SUGCT: variants seen among roughly 807,000 people sequenced by gnomAD.
SUGCT encodes succinyl-CoA:glutarate CoA-transferase.
A neutral mutation model predicts 55.0 loss-of-function variants in SUGCT; 41 were observed. The observed-to-expected ratio is 0.74, with a 90% CI of 0.58 to 0.97. SUGCT has a LOEUF of 0.97. SUGCT is among the 50% of genes least tolerant of loss of function. The pLI is 0.00. For missense variants in SUGCT, 568 were observed against 547.8 expected (o/e 1.04, Z -0.37); for synonymous variants, 187 against 200.4 (o/e 0.93, Z 0.56).
At chr7:40,916,351 T>C in the SUGCT span, among the ~76,000 whole-genome samples, 1 of 152,130 alleles carries the variant, frequency 6.6e-6, no homozygotes, top group Non-Finnish European at 1.5e-5. Context: ...GATTGAAGGA[T>C]GGGTATGAAT....
chr7:40,655,145 T>C (rs1203088353), intron 12 of SUGCT, among the ~76,000 whole-genome samples: 1 of 151,936 alleles, frequency 6.6e-6, no homozygotes, highest in Non-Finnish European at 1.5e-5. Context: ...AATCAAAAAA[T>C]TAGCTGAGTG....
intron 1 of SUGCT, among the ~76,000 whole-genome samples, chr7:40,169,386 G>A (rs1335902797): frequency 6.6e-6 from 1 of 152,146 alleles, no homozygotes; most frequent in Non-Finnish European, 1.5e-5. Flanking sequence ...ATGTGCCAGT[G>A]TCCAGGAGAC....
chr7:40,347,969 C>T (rs1797412534), intron 9 of SUGCT, among the ~76,000 whole-genome samples: 1 of 152,170 alleles, frequency 6.6e-6, no homozygotes, highest in Non-Finnish European at 1.5e-5. Context: ...TTCCCTCCTC[C>T]ATTTTATAAG....
chr7:40,735,363 G>A (rs968530839), intron 12 of SUGCT, among the ~76,000 whole-genome samples: 2 of 152,030 alleles, frequency 1.3e-5, no homozygotes, highest in Non-Finnish European at 2.9e-5. Context: ...CTTAGTCTTG[G>A]GAAAGGTTGG....
rs554961731 is a variant in SUGCT, at chr7:40,637,437, G to A, written c.1090-111997G>A. 8.9e-4 allele frequency among the ~76,000 whole-genome samples: 135 copies of A among 152,360 alleles called. 1 individual carries two copies. The highest frequency in any genetic ancestry group is 1.5e-3 in the Non-Finnish European group (103 of 68,032). On this transcript the variant is annotated intron_variant, in intron 12 of 13. Coordinates refer to ENST00000335693, the MANE Select transcript of SUGCT (RefSeq NM_001193313.2). The stretch of plus-strand genomic sequence containing the variant: ...GGCATAGGAACCAGGATCTCTAAAG[G>A]AAGAAAGAAGTGTTTGATAGGAAAC...
downstream of SUGCT, among the ~76,000 whole-genome samples, chr7:40,862,548 T>C (rs765722434): frequency 1.6e-4 from 24 of 152,206 alleles, no homozygotes; most frequent in Non-Finnish European, 2.8e-4. Context: ...GGGCCTATTA[T>C]CTTACACATT....
intron 9 of SUGCT, among the ~76,000 whole-genome samples, chr7:40,377,656 G>A (rs1158186082): frequency 3.3e-5 from 5 of 152,082 alleles, no homozygotes; most frequent in Admixed American, 1.3e-4. Context: ...CATTTTGGTT[G>A]TCTTTTATAT....
intron 12 of SUGCT, among the ~76,000 whole-genome samples, chr7:40,532,703 T>C (rs1315353042): frequency 6.6e-6 from 1 of 152,136 alleles, no homozygotes; most frequent in Non-Finnish European, 1.5e-5. Context: ...GTTTTTCGTT[T>C]GTTTTGTTTT....
intron 1 of SUGCT, among the ~76,000 whole-genome samples, chr7:40,164,383 C>T (rs1321849710): frequency 6.6e-6 from 1 of 152,188 alleles, no homozygotes; most frequent in South Asian, 2.1e-4. Flanking sequence ...CTGCCTTGGC[C>T]TCCCAAAGTG....
chr7:40,637,305 G>C (rs1800060764), intron 12 of SUGCT, among the ~76,000 whole-genome samples: 1 of 152,192 alleles, frequency 6.6e-6, no homozygotes, highest in Non-Finnish European at 1.5e-5. Flanking sequence ...AATGTGCTAA[G>C]ACTGACCACC....
intron 8 of SUGCT, among the ~76,000 whole-genome samples, chr7:40,289,958 A>G (rs1793632363): frequency 6.6e-6 from 1 of 152,302 alleles, no homozygotes; most frequent in East Asian, 1.9e-4. Context: ...GGGATGCGAA[A>G]GACCTCTTCA....
chr7:40,946,948 G>A, the SUGCT span, among the ~76,000 whole-genome samples: 1 of 152,094 alleles, frequency 6.6e-6, no homozygotes, highest in Admixed American at 6.6e-5. Flanking sequence ...GAATCTCATT[G>A]AGTTTATCCT....
chr7:40,480,557 G>A (rs750510508), intron 11 of SUGCT, among the ~76,000 whole-genome samples: 6 of 151,938 alleles, frequency 3.9e-5, no homozygotes, highest in South Asian at 2.1e-4. Context: ...AAAGAATGCC[G>A]TTGACATTTT....
intron 12 of SUGCT, among the ~76,000 whole-genome samples, chr7:40,659,976 T>A (rs117504516): frequency 6.6e-6 from 1 of 152,258 alleles, no homozygotes; most frequent in Non-Finnish European, 1.5e-5. Flanking sequence ...GGCCACTACA[T>A]CTAAGTAATT....
chr7:40,311,515 T>G (rs1249639103), intron 8 of SUGCT, among the ~76,000 whole-genome samples: 1 of 152,194 alleles, frequency 6.6e-6, no homozygotes. Flanking sequence ...TCTGTCTACC[T>G]TTCTCTTTCA....
intron 12 of SUGCT, among the ~76,000 whole-genome samples, chr7:40,736,680 A>C (rs1364169972): frequency 6.6e-6 from 1 of 152,122 alleles, no homozygotes; most frequent in East Asian, 1.9e-4. Context: ...ACAATGGAAT[A>C]ATATCATCAG....
chr7:40,367,216 GA>G (rs1784032518), intron 9 of SUGCT, among the ~76,000 whole-genome samples: 1 of 141,590 alleles, frequency 7.1e-6, no homozygotes, highest in Non-Finnish European at 1.5e-5. Flanking sequence ...ATTGAACAAT[GA>G]GAACACATGG....
chr7:40,149,906 C>T (rs1454424967), intron 1 of SUGCT, among the ~76,000 whole-genome samples: 1 of 151,762 alleles, frequency 6.6e-6, no homozygotes, highest in African/African-American at 2.4e-5. Flanking sequence ...GCAACAAGAG[C>T]AAAATTCTGT....
At chr7:40,902,550 A>C in the SUGCT span, among the ~76,000 whole-genome samples, 1 of 139,060 alleles carries the variant, frequency 7.2e-6, no homozygotes, top group Non-Finnish European at 1.5e-5. Context: ...ACTGCACTCC[A>C]GCCTGGGTGA....
Sources: allele counts gnomAD v4.1 joint callset (sites outside exome capture counted in the v4.1 genomes callset), GRCh38; gene constraint gnomAD v4.1.1; transcripts MANE v1.5; gene names NCBI Gene and HGNC (gene_info 2026-07-23, HGNC 2026-07-21).